TTF2: variants seen among roughly 807,000 people sequenced by gnomAD.
TTF2 encodes the protein transcription termination factor 2, also known as RNA polymerase II termination factor.
In TTF2, 108 loss-of-function variants were observed where a neutral mutation model predicts 142.4. The ratio of observed to expected loss-of-function variants is 0.76; its 90% confidence interval spans 0.65 to 0.89. The LOEUF is 0.89. Among genes scored for constraint, TTF2 ranks in the 40% least tolerant of loss-of-function variants. The probability of loss-of-function intolerance (pLI) is 0.00; values close to 1 mark genes in which losing one functional copy is unlikely to be tolerated. For missense variants in TTF2, 1,327 were observed against 1,379.8 expected (o/e 0.96, Z 0.61); for synonymous variants, 483 against 506.2 (o/e 0.95, Z 0.61).
chr1:117,067,451 G>A (rs1358961881), intron 3 of TTF2, among the ~76,000 whole-genome samples: 1 of 151,094 alleles, frequency 6.6e-6, no homozygotes, highest in Admixed American at 6.6e-5. Context: ...TTTGAGCCGG[G>A]GAAGCGGAGG....
At chr1:117,072,918 C>A (rs1333270972) in intron 3 of TTF2, among the ~76,000 whole-genome samples, 2 of 152,066 alleles carry the variant, frequency 1.3e-5, no homozygotes, top group African/African-American at 4.8e-5. Context: ...TCCAGCTGCA[C>A]TCTTTTAACA....
Position 117,081,821 on chromosome 1 carries a change from T to A in TTF2, c.1784-7T>A, listed in dbSNP as rs200744479. The A allele has an allele frequency of 5.3e-4, 858 of 1,610,260 alleles. 1 individual carries two copies. Among genetic ancestry groups the A allele is most frequent in the Middle Eastern group, 1.2e-3 (7 of 6,044 alleles). ...TTAACTCTCTTAATTTTGCTTTTAT[T>A]TTCTAGCAGATGATATGGGCTTAGG... On this transcript the variant is annotated splice_polypyrimidine_tract_variant and splice_region_variant and intron_variant, in intron 9 of 22. Transcript: ENST00000369466.
At position 117,106,966 on chromosome 1, in the gene TTF2, A is replaced by G. The variant is rs1447467916; in HGVS notation, c.*5442A>G. ...TGTTTATCCTGTTACAACATCCCAG[A>G]GGACAGAGGCTCTTATTTGTGACTC... On this transcript the variant is annotated 3_prime_UTR_variant, in exon 23 of 23. Coordinates refer to ENST00000369466, the MANE Select transcript of TTF2 (RefSeq NM_003594.4). The G allele has an allele frequency of 6.6e-6, 1 of 152,254 alleles. No individual in the cohort carries two copies. The highest frequency in any genetic ancestry group is 2.4e-5 in the African/African-American group (1 of 41,468). 9.4% of individuals were successfully genotyped at this position (152,254 alleles called of 1,614,324 possible).
Position 117,062,273 on chromosome 1 carries a change from A to G in TTF2, c.132-114A>G, listed in dbSNP as rs373942997. 589 of 894,092 alleles carry G rather than the reference A, an allele frequency of 6.6e-4. 10 individuals carry two copies. The South Asian group carries it at 8.4e-3, about 13-fold the overall frequency. 55.4% of individuals were successfully genotyped at this position (894,092 alleles called of 1,614,324 possible). A position where few individuals can be genotyped will look rare whatever the true frequency, so the allele number is the denominator to read the frequency against. ...GATAATGTGTGGGAATTACAAACCCAGTAGAGGTTATACATAGATTCTTGG... is the reference window on the plus strand; with the variant it reads ...GATAATGTGTGGGAATTACAAACCCGGTAGAGGTTATACATAGATTCTTGG... On this transcript the variant is annotated intron_variant, in intron 2 of 22. Coordinates refer to ENST00000369466, the MANE Select transcript of TTF2 (RefSeq NM_003594.4).
rs562047263 is a variant in TTF2, at chr1:117,092,571, T to A, written c.2806-160T>A. On this transcript the variant is annotated intron_variant, in intron 17 of 22. Transcript: ENST00000369466. The surrounding 1 kb of genome is among the most constrained non-coding windows in gnomAD (Gnocchi z 4.4). The stretch of plus-strand genomic sequence containing the variant: ...TTATCTTTAATGTGGTGAAAAAACT[T>A]GCAAGATCACACTTTAATCAAGGTG... Among the ~76,000 whole-genome samples the A allele has an allele frequency of 6.6e-6, 1 of 152,310 alleles. No individual in the cohort carries two copies. The highest frequency in any genetic ancestry group is 2.4e-5 in the African/African-American group (1 of 41,570).
rs1650001446 is a variant in TTF2 at position 117,107,101 on chromosome 1, T to TG, written c.*5581dup. ...TGATTTCTGAAGCACTTTGTTACAC[T>TG]GGGGACAGCTCCTAAATCCTCCCAC... On this transcript the variant is annotated 3_prime_UTR_variant, in exon 23 of 23. Coordinates refer to ENST00000369466, the MANE Select transcript of TTF2 (RefSeq NM_003594.4). 1 of 152,204 alleles carries TG rather than the reference T, an allele frequency of 6.6e-6. No homozygotes were observed. The highest frequency in any genetic ancestry group is 2.4e-5 in the African/African-American group (1 of 41,462). 9.4% of individuals were successfully genotyped at this position (152,204 alleles called of 1,614,324 possible). A position where few individuals can be genotyped will look rare whatever the true frequency, so the allele number is the denominator to read the frequency against.
intron 2 of TTF2, 126 bp downstream of exon 2, chr1:117,060,683 C>G (rs1259860560): frequency 1.1e-6 from 1 of 872,564 alleles, no homozygotes; most frequent in Non-Finnish European, 1.7e-6. Flanking sequence ...GGTGTCAGGA[C>G]CCTTTAAGCA....
rs528216086 is a variant in TTF2 at position 117,099,941 on chromosome 1, C to T, written c.3344+1034C>T. On this transcript the variant is annotated intron_variant, in intron 22 of 22. Transcript: ENST00000369466. The surrounding 1 kb of genome is among the most constrained non-coding windows in gnomAD (Gnocchi z 4.3). ...CATTCCTTCCTTCACAAATTCTGTGCACTCCAGTAAGTCCAAAATTTGTAT... is the reference window on the plus strand; with the variant it reads ...CATTCCTTCCTTCACAAATTCTGTGTACTCCAGTAAGTCCAAAATTTGTAT... 3.5e-4 allele frequency among the ~76,000 whole-genome samples: 53 copies of T among 152,348 alleles called. No homozygotes were observed. Among genetic ancestry groups the T allele is most frequent in the African/African-American group, 1.1e-3 (45 of 41,584 alleles).
At chr1:117,091,124 C>T (rs138800854) in intron 15 of TTF2, among the ~76,000 whole-genome samples, 55 of 152,084 alleles carry the variant, frequency 3.6e-4, no homozygotes, top group African/African-American at 1.3e-3. Flanking sequence ...TTCTTTTACA[C>T]CTTATATTTG....
In TTF2 at chr1:117,072,118, G is replaced by T. The variant is rs1656625675; in HGVS notation, c.219-1543G>T. ...AGGGTGCATGGCTTAGTTCGGCAGT[G>T]GAACAGCTTAGACACCTCTGGATAG... is the stretch of plus-strand genomic sequence containing the variant. On this transcript the variant is annotated intron_variant, in intron 3 of 22. Transcript: ENST00000369466. Among the ~76,000 whole-genome samples, 4 of 152,250 alleles carry T rather than the reference G, an allele frequency of 2.6e-5. No homozygotes were observed. The South Asian group carries it at 6.2e-4, about 24-fold the overall frequency.
In TTF2 at chr1:117,097,243, T is replaced by C. The variant is rs1329388675; in HGVS notation, c.3187-108T>C. 5 of 913,432 alleles carry C rather than the reference T, an allele frequency of 5.5e-6. No individual in the cohort carries two copies. The Admixed American group carries it at 1.1e-4, about 20-fold the overall frequency. 56.6% of individuals were successfully genotyped at this position (913,432 alleles called of 1,614,324 possible). A position where few individuals can be genotyped will look rare whatever the true frequency, so the allele number is the denominator to read the frequency against. Reference sequence around the variant, plus strand: ...CAATTTATAACAGCAGAAGGAAATTTGATAGGAACACAGTGCTTATCTGTA... The same window carrying C: ...CAATTTATAACAGCAGAAGGAAATTCGATAGGAACACAGTGCTTATCTGTA... On this transcript the variant is annotated intron_variant, in intron 20 of 22. Coordinates refer to ENST00000369466, the MANE Select transcript of TTF2 (RefSeq NM_003594.4). This position sits in a 1 kb window ranked among gnomAD's most constrained non-coding sequence, Gnocchi z 4.1.
Position 117,062,425 on chromosome 1 carries a change from T to A in TTF2, c.170T>A (p.Val57Glu), listed in dbSNP as rs1429538073. ...CATTGCTTATTGCATGAGGACTTTG[T>A]GGTAGAGCTTCAGGGTTTGCTTCTG... The part of the protein sequence containing the change: ...VSHCLLHEDF[V>E]VELQGLLLPQ... The change falls in exon 3 of 23, where the codon GTG becomes GAG. Residue 57 changes from valine (V) to glutamate (E), a missense_variant. Coordinates refer to ENST00000369466, the MANE Select transcript of TTF2 (RefSeq NM_003594.4). The A allele has an allele frequency of 6.2e-7, 1 of 1,614,034 alleles. No homozygotes were observed.
chr1:117,094,998 C>T (rs1039727816), intron 18 of TTF2, among the ~76,000 whole-genome samples: 8 of 152,032 alleles, frequency 5.3e-5, no homozygotes, highest in Non-Finnish European at 1.2e-4. Context: ...CTTGCTGTGT[C>T]GTTTGAGGAG....
chr1:117,067,244 T>C (rs796721072), intron 3 of TTF2, among the ~76,000 whole-genome samples: 13 of 152,276 alleles, frequency 8.5e-5, no homozygotes, highest in African/African-American at 2.9e-4. Flanking sequence ...AAAAAGCTTG[T>C]CTTAGGGCCA....
Position 117,097,944 on chromosome 1 carries a change from C to T in TTF2, c.3269+511C>T, listed in dbSNP as rs1395292671. ...ATACCAGGAGTACAACCACATCTTT[C>T]GTGGCTACAGAATGAATGAGTTAGT... On this transcript the variant is annotated intron_variant, in intron 21 of 22. Transcript: ENST00000369466. The surrounding 1 kb of genome is among the most constrained non-coding windows in gnomAD (Gnocchi z 4.1). Among the ~76,000 whole-genome samples, 2 of 152,198 alleles carry T rather than the reference C, an allele frequency of 1.3e-5. No homozygotes were observed. Among genetic ancestry groups the T allele is most frequent in the Non-Finnish European group, 2.9e-5 (2 of 68,038 alleles).
Position 117,070,722 on chromosome 1 carries a change from G to T in TTF2, c.219-2939G>T, listed in dbSNP as rs1656507714. Among the ~76,000 whole-genome samples the T allele has an allele frequency of 6.6e-6, 1 of 152,192 alleles. No homozygotes were observed. The highest frequency in any genetic ancestry group is 2.1e-4 in the South Asian group (1 of 4,826). ...GTTTAATATAATATCCTATTGCAAT[G>T]AGAAAAATTAAAGAAACCAGTAAGA... On this transcript the variant is annotated intron_variant, in intron 3 of 22. Transcript: ENST00000369466. This position sits in a 1 kb window ranked among gnomAD's most constrained non-coding sequence, Gnocchi z 4.2.
In TTF2 at chr1:117,079,688, C is replaced by G; in HGVS notation, c.1783+39C>G. The G allele has an allele frequency of 6.3e-7, 1 of 1,582,532 alleles. No homozygotes were observed. The highest frequency in any genetic ancestry group is 8.7e-7 in the Non-Finnish European group (1 of 1,151,020). Reference sequence around the variant, plus strand: ...TATAAGAGTCAGCCTTTATTGAATGCTTAGGCATTGTGCTAAACACGTAGT... The same window carrying G: ...TATAAGAGTCAGCCTTTATTGAATGGTTAGGCATTGTGCTAAACACGTAGT... On this transcript the variant is annotated intron_variant, in intron 9 of 22. Transcript: ENST00000369466. The surrounding 1 kb of genome is among the most constrained non-coding windows in gnomAD (Gnocchi z 4.2).
chr1:117,099,594 C>T lies in TTF2; in HGVS notation c.3344+687C>T, dbSNP rs1336792527. On this transcript the variant is annotated intron_variant, in intron 22 of 22. Transcript: ENST00000369466. The surrounding 1 kb of genome is among the most constrained non-coding windows in gnomAD (Gnocchi z 4.3). ...ACATTGACATTTTGATGAGCATGAG[C>T]CAGTTATTTTGCAAAATGTCCTCTG... 2.0e-5 allele frequency among the ~76,000 whole-genome samples: 3 copies of T among 152,148 alleles called. No individual in the cohort carries two copies. The highest frequency in any genetic ancestry group is 4.4e-5 in the Non-Finnish European group (3 of 68,026).
intron 7 of TTF2, among the ~76,000 whole-genome samples, chr1:117,077,149 G>C (rs1012077703): frequency 3.9e-5 from 6 of 152,000 alleles, no homozygotes; most frequent in Non-Finnish European, 8.8e-5. Context: ...GTAGGGTTCA[G>C]TACCATCCAG....
Sources: allele counts gnomAD v4.1 joint callset (sites outside exome capture counted in the v4.1 genomes callset), GRCh38; gene constraint gnomAD v4.1.1; non-coding constraint Gnocchi (gnomAD v3.1); transcripts MANE v1.5; gene names NCBI Gene and HGNC (gene_info 2026-07-23, HGNC 2026-07-21).